Variants in EIF3A observed in about 807,000 individuals in gnomAD.
EIF3A encodes EIF3, p180 subunit.
A neutral mutation model predicts 186.6 loss-of-function variants in EIF3A; 21 were observed. That is an observed-to-expected ratio of 0.11 (90% CI 0.08 to 0.16). The LOEUF is 0.16. Ranked by LOEUF, EIF3A falls within the 10% of genes least tolerant of loss-of-function variation. EIF3A has a pLI of 1.00. For synonymous variants in EIF3A, 563 were observed against 584.3 expected, an observed-to-expected ratio of 0.96 and a Z score of 0.52; for missense variants, 1,306 against 1,796.3, an observed-to-expected ratio of 0.73 and a Z score of 4.93.
At chr10:119,039,107 C>G (rs1447714803) in intron 19 of EIF3A, among the ~76,000 whole-genome samples, 1 of 152,180 alleles carries the variant, frequency 6.6e-6, no homozygotes, top group Non-Finnish European at 1.5e-5. Flanking sequence ...AGAGTTTTCT[C>G]TGAGTCCCAA....
rs751232721 is a variant in EIF3A at position 119,036,203 on chromosome 10, G to A, written c.3985C>T (p.Arg1329Ter). ...DRVEERDPPRRVPPPALSRDR... is the reference protein window; with the variant it reads ...DRVEERDPPR ...CTTGAAAGAGCTGGGGGAGGAACTC[G>A]ACGAGGAGGGTCCCGCTCTTCCACC... is the stretch of plus-strand genomic sequence containing the variant. Residue 1329 changes from arginine (R) to a stop codon, truncating the protein, a stop_gained, in exon 22 of 22, where the codon CGA becomes TGA. Coordinates refer to ENST00000369144, the MANE Select transcript of EIF3A (RefSeq NM_003750.4). LOFTEE classifies it high-confidence loss of function. The A allele has an allele frequency of 1.9e-6, 3 of 1,613,216 alleles. No individual in the cohort carries two copies. The highest frequency in any genetic ancestry group is 1.7e-5 in the Admixed American group (1 of 59,914).
intron 6 of EIF3A, 119 bp from the exon 7 acceptor site, chr10:119,065,689 G>T: frequency 1.5e-6 from 1 of 687,010 alleles, no homozygotes. Flanking sequence ...ACATCACCAT[G>T]GTGCACTATA....
intron 6 of EIF3A, among the ~76,000 whole-genome samples, chr10:119,066,386 G>A (rs1257815031): frequency 2.0e-5 from 3 of 150,992 alleles, no homozygotes; most frequent in Non-Finnish European, 4.4e-5. Flanking sequence ...ACAGGCGCCT[G>A]TAATCCCAGC....
At chr10:119,053,307 C>T (rs567323563) in intron 14 of EIF3A, among the ~76,000 whole-genome samples, 1 of 152,232 alleles carries the variant, frequency 6.6e-6, no homozygotes, top group Admixed American at 6.5e-5. Flanking sequence ...GCATTAACCC[C>T]TAAACAGTGA....
chr10:119,071,143 A>G (rs1844064035), intron 4 of EIF3A, 58 bp from the exon 5 acceptor site: 5 of 1,234,264 alleles, frequency 4.1e-6, no homozygotes, highest in Admixed American at 1.7e-5. Flanking sequence ...TAAATATTTG[A>G]ATAGGTTTTA....
intron 19 of EIF3A, among the ~76,000 whole-genome samples, chr10:119,039,316 T>G (rs944969716): frequency 1.3e-5 from 2 of 152,112 alleles, no homozygotes; most frequent in Non-Finnish European, 1.5e-5. Context: ...ACAGTACATA[T>G]AGAGATGTAA....
Position 119,069,415 on chromosome 10 carries a change from T to A in EIF3A, c.950+31A>T, listed in dbSNP as rs576476983. On this transcript the variant is annotated intron_variant, in intron 6 of 21. Coordinates refer to ENST00000369144, the MANE Select transcript of EIF3A (RefSeq NM_003750.4). Reference sequence around the variant, plus strand: ...ATAATAGACGATATTTGTTACAGAATTTCAACATTATCCAAGTATAACATT... The same window carrying A: ...ATAATAGACGATATTTGTTACAGAAATTCAACATTATCCAAGTATAACATT... 2.1e-4 allele frequency: 229 copies of A among 1,079,940 alleles called. 1 individual carries two copies. The South Asian group carries it at 2.7e-3, about 13-fold the overall frequency. 66.9% of individuals were successfully genotyped at this position (1,079,940 alleles called of 1,614,324 possible).
rs115293194 is a variant in EIF3A at position 119,040,320 on chromosome 10, G to A, written c.3526+1674C>T. Among the ~76,000 whole-genome samples the A allele has an allele frequency of 4.7e-3, 718 of 152,268 alleles. 10 individuals carry two copies. Among genetic ancestry groups the A allele is most frequent in the African/African-American group, 0.016 (675 of 41,552 alleles). On this transcript the variant is annotated intron_variant, in intron 19 of 21. Transcript: ENST00000369144. The stretch of plus-strand genomic sequence containing the variant: ...GGATTTCAGGAACATCAAAAAGGCA[G>A]AACTGAACTAAAGATTTAACATAAA...
At chr10:119,052,942 AAAT>A (rs1262466370) in intron 14 of EIF3A, among the ~76,000 whole-genome samples, 3 of 152,348 alleles carry the variant, frequency 2.0e-5, no homozygotes, top group African/African-American at 7.2e-5. Context: ...TATATTTCTT[AAAT>A]AATAAGACTT....
Position 119,061,037 on chromosome 10 carries a change from C to T in EIF3A, c.1227+187G>A, listed in dbSNP as rs1382300849. 8.7e-6 allele frequency: 5 copies of T among 577,626 alleles called. No individual in the cohort carries two copies. In the East Asian group the frequency reaches 1.5e-4, roughly 17 times the overall value. The allele number at this position is 577,626 out of a possible 1,614,324, so 35.8% of individuals were successfully genotyped here. A position where few individuals can be genotyped will look rare whatever the true frequency, so the allele number is the denominator to read the frequency against. ...CTAAATTAGTCATGCTGCTAATTAACCTCCAAAGGTTTGCTGAGCACATCA... is the reference window on the plus strand; with the variant it reads ...CTAAATTAGTCATGCTGCTAATTAATCTCCAAAGGTTTGCTGAGCACATCA... On this transcript the variant is annotated intron_variant, in intron 8 of 21. Coordinates refer to ENST00000369144, the MANE Select transcript of EIF3A (RefSeq NM_003750.4).
At chr10:119,065,345 C>A in intron 7 of EIF3A, 54 bp downstream of exon 7, 1 of 1,345,678 alleles carries the variant, frequency 7.4e-7, no homozygotes, top group South Asian at 1.3e-5. Context: ...GTTATTAAAC[C>A]TGACCACAAA....
intron 15 of EIF3A, 75 bp from the exon 16 acceptor site, chr10:119,050,749 GT>G: frequency 6.7e-7 from 1 of 1,502,606 alleles, no homozygotes. Flanking sequence ...AAGCTATTAG[GT>G]TTACAAAAGA....
chr10:119,051,275 T>A lies in EIF3A; in HGVS notation c.2243A>T (p.Asn748Ile). Residue 748 changes from asparagine (N) to isoleucine (I), a missense_variant, in exon 15 of 22, where the codon AAT becomes ATT. Transcript: ENST00000369144. ...LEREKALEHK[N>I]RMSRMLEDRD... is the part of the protein sequence containing the mutation. ...GTCTTCAAGCATTCGTGACATTCGA[T>A]TCTTATGTTCAAGAGCCTTTTCACG... 6.2e-7 allele frequency: 1 copy of A among 1,611,520 alleles called. No individual in the cohort carries two copies. The highest frequency in any genetic ancestry group is 8.5e-7 in the Non-Finnish European group (1 of 1,179,230).
chr10:119,072,899 C>A lies in EIF3A; in HGVS notation c.532G>T (p.Ala178Ser). The change falls in exon 4 of 22, where the codon GCC (alanine) becomes TCC (serine). Residue 178 changes from alanine to serine, a missense_variant. Coordinates refer to ENST00000369144, the MANE Select transcript of EIF3A (RefSeq NM_003750.4). ...SRVERLYHDIAQQAFKFCLQY... is the reference protein window; with the variant it reads ...SRVERLYHDISQQAFKFCLQY... The stretch of plus-strand genomic sequence containing the variant: ...GATCTTCTCATCTTACCTTGCTGGG[C>A]AATATCATGGTACAGGCGCTCTACT... 1 of 1,609,210 alleles carries A rather than the reference C, an allele frequency of 6.2e-7. No homozygotes were observed. The highest frequency in any genetic ancestry group is 8.5e-7 in the Non-Finnish European group (1 of 1,178,682).
At chr10:119,067,579 G>A (rs1295068802) in intron 6 of EIF3A, among the ~76,000 whole-genome samples, 1 of 152,182 alleles carries the variant, frequency 6.6e-6, no homozygotes, top group Non-Finnish European at 1.5e-5. Flanking sequence ...GAGCAAGGAA[G>A]CAAGACCCTA....
At position 119,080,731 on chromosome 10, in the gene EIF3A, C is replaced by G. The variant is rs1259261162; in HGVS notation, c.-55G>C. Reference sequence around the variant, plus strand: ...CAGCGAACTCTCTAGTGGCCCGGGCCGGGAGAGGAGACGAAGGGGAACCAG... The same window carrying G: ...CAGCGAACTCTCTAGTGGCCCGGGCGGGGAGAGGAGACGAAGGGGAACCAG... On this transcript the variant is annotated 5_prime_UTR_variant, in exon 1 of 22. Transcript: ENST00000369144. The G allele has an allele frequency of 1.3e-6, 2 of 1,551,648 alleles. No individual in the cohort carries two copies. The highest frequency in any genetic ancestry group is 1.7e-6 in the Non-Finnish European group (2 of 1,149,550).
rs1446550002 is a variant in EIF3A at position 119,073,774 on chromosome 10, T to C, written c.213A>G (p.Leu71=). Residue 71 remains leucine (L), a synonymous_variant, in exon 2 of 22, where the codon TTA becomes TTG. Transcript: ENST00000369144. ...GTTGACAAATGTTCTTATACTGGTA[T>C]AACCCCTCCTTTGCCAAGTGGCTCT... ...LRKSHLAKEG[L]YQYKNICQQV... The C allele has an allele frequency of 1.6e-5, 26 of 1,612,390 alleles. No homozygotes were observed. The highest frequency in any genetic ancestry group is 2.2e-5 in the Non-Finnish European group (26 of 1,179,370).
In EIF3A at chr10:119,069,216, T is replaced by C. The variant is rs1426091291; in HGVS notation, c.950+230A>G. Among the ~76,000 whole-genome samples, 6 of 151,952 alleles carry C rather than the reference T, an allele frequency of 3.9e-5. No individual in the cohort carries two copies. The East Asian group carries it at 9.7e-4, about 25-fold the overall frequency. The stretch of plus-strand genomic sequence containing the variant: ...AGGGCAATGTCTTGAGACGTCTTAA[T>C]AGTCACAACTGGCGGTGGTTGCTAC... On this transcript the variant is annotated intron_variant, in intron 6 of 21. Coordinates refer to ENST00000369144, the MANE Select transcript of EIF3A (RefSeq NM_003750.4).
chr10:119,038,296 C>T lies in EIF3A; in HGVS notation c.3670G>A (p.Glu1224Lys). ...TCTCTCTCTCTGTCCCTTTCTCTCTCAGGGTCCTTGTCATTCTCCTCCCGA... is the reference window on the plus strand; with the variant it reads ...TCTCTCTCTCTGTCCCTTTCTCTCTTAGGGTCCTTGTCATTCTCCTCCCGA... ...QDREENDKDPERERDRERDVD... is the reference protein window; with the variant it reads ...QDREENDKDPKRERDRERDVD... Residue 1224 changes from glutamate to lysine, a missense_variant, in exon 20 of 22, where the codon GAG becomes AAG. This residue lies in a region of EIF3A where 331 missense variants were observed against 365.8 expected (regional missense o/e 0.90). Transcript: ENST00000369144. 1.2e-6 allele frequency: 2 copies of T among 1,614,118 alleles called. No individual in the cohort carries two copies. The highest frequency in any genetic ancestry group is 1.1e-5 in the South Asian group (1 of 91,080).
Sources: gnomAD v4.1 joint callset for allele counts (sites outside exome capture counted in the v4.1 genomes callset) on GRCh38, gnomAD v4.1.1 for gene constraint, gnomAD v4.1.1 regional missense constraint, MANE v1.5 for transcripts, NCBI Gene and HGNC (gene_info 2026-07-23, HGNC 2026-07-21) for gene names.